The following DST variants were observed in gnomAD, a reference collection of about 807,000 sequenced individuals.
DST encodes the protein bullous pemphigoid antigen.
Under a neutral mutation model 875.2 loss-of-function variants are expected in DST, and 253 were observed. That is an observed-to-expected ratio of 0.29 (90% CI 0.26 to 0.32). The LOEUF (loss-of-function observed/expected upper bound fraction) is 0.32. Among genes scored for constraint, DST ranks in the 10% least tolerant of loss-of-function variants. The pLI, the probability that DST is intolerant of heterozygous loss-of-function variation, is 1.00. For synonymous variants in DST, 3,124 were observed against 3,197.1 expected (o/e 0.98, Z 0.77); for missense variants, 8,287 against 9,111.6 (o/e 0.91, Z 3.68).
intron 36 of DST, chr6:56,618,860 A>C (rs1469440958): frequency 1.2e-6 from 2 of 1,614,098 alleles, no homozygotes; most frequent in Non-Finnish European, 1.7e-6. Flanking sequence ...TATGGTCTTT[A>C]AGTGTAATTC....
intron 9 of DST, among the ~76,000 whole-genome samples, chr6:56,689,420 T>C (rs962982292): frequency 2.6e-5 from 4 of 152,082 alleles, no homozygotes; most frequent in African/African-American, 9.7e-5. Context: ...AAATGGCAAA[T>C]ACTAAGCTAA....
At chr6:56,497,229 A>T in intron 82 of DST, 150 bp downstream of exon 82, 1 of 706,844 alleles carries the variant, frequency 1.4e-6, no homozygotes, top group Non-Finnish European at 2.1e-6. Flanking sequence ...TTAATCAATA[A>T]ATGGTGTGTT....
At chr6:56,626,763 A>G (rs1398186392) in intron 34 of DST, among the ~76,000 whole-genome samples, 3 of 152,124 alleles carry the variant, frequency 2.0e-5, no homozygotes. Context: ...ATGTAACAAT[A>G]GTGTAGCCCT....
chr6:56,692,802 T>TA (rs1563713125), intron 9 of DST: 1 of 1,289,852 alleles, frequency 7.8e-7, no homozygotes, highest in South Asian at 1.2e-5. Context: ...ACCAACTGCT[T>TA]ACAGCACTCG....
Position 56,552,889 on chromosome 6 carries a change from C to A in DST, c.15903G>T (p.Ser5301=), listed in dbSNP as rs371189011. ...TGTTACTGTAAGCCTGGGATCCCAG[C>A]GAATCATGGATATCTAGCTGCTCCT... ...CAKEQLDIHD[S]LGSQAYSNKY... Residue 5301 remains serine (S), a synonymous_variant, in exon 61 of 104, where the codon TCG becomes TCT. Coordinates refer to ENST00000680361, the MANE Select transcript of DST (RefSeq NM_001374736.1). 2.9e-4 allele frequency: 463 copies of A among 1,613,796 alleles called. No individual in the cohort carries two copies. Among genetic ancestry groups the A allele is most frequent in the Non-Finnish European group, 3.8e-4 (446 of 1,179,866 alleles).
rs536785213 is a variant in DST, at chr6:56,612,080, GA to G, written c.5059-485del. On this transcript the variant is annotated intron_variant, in intron 37 of 103. Transcript: ENST00000680361. ...TGTAGGTATGCAGACCCAGAATAAA[GA>G]ATTTCTAGCTGAGAGCAGTGGCTCA... is the stretch of plus-strand genomic sequence containing the variant. 1.1e-4 allele frequency among the ~76,000 whole-genome samples: 16 copies of G among 152,318 alleles called. No individual in the cohort carries two copies. In the South Asian group the frequency reaches 3.1e-3, roughly 30 times the overall value.
intron 71 of DST, among the ~76,000 whole-genome samples, chr6:56,516,195 G>GA (rs1215139360): frequency 2.6e-5 from 4 of 151,594 alleles, no homozygotes; most frequent in Non-Finnish European, 5.9e-5. Flanking sequence ...AAGAGAAAGA[G>GA]AAGGAGAAAG....
In DST at chr6:56,552,165, A is replaced by G. The variant is rs1200020223; in HGVS notation, c.16608+19T>C. 3 of 1,559,314 alleles carry G rather than the reference A, an allele frequency of 1.9e-6. No homozygotes were observed. Among genetic ancestry groups the G allele is most frequent in the African/African-American group, 2.8e-5 (2 of 72,516 alleles). On this transcript the variant is annotated intron_variant, in intron 61 of 103. Coordinates refer to ENST00000680361, the MANE Select transcript of DST (RefSeq NM_001374736.1). ...TCATTGACAATAAAAACACTGGGTA[A>G]AAATGAAGAGTTCCCTACCTTGAAC... is the stretch of plus-strand genomic sequence containing the variant.
chr6:56,916,248 C>G (rs1800867703), intron 2 of DST, among the ~76,000 whole-genome samples: 1 of 152,208 alleles, frequency 6.6e-6, no homozygotes, highest in Non-Finnish European at 1.5e-5. Context: ...ACAGCAGGAC[C>G]TGGACAGCCA....
In DST at chr6:56,632,844, C is replaced by A; in HGVS notation, c.3805+10G>T. Reference sequence around the variant, plus strand: ...ATGGGGAAAAAAAGACAGGGATCCCCATGCTTTACCTCTTTCTGCAGATTT... The same window carrying A: ...ATGGGGAAAAAAAGACAGGGATCCCAATGCTTTACCTCTTTCTGCAGATTT... On this transcript the variant is annotated intron_variant, in intron 28 of 103. Transcript: ENST00000680361. 1 of 1,612,424 alleles carries A rather than the reference C, an allele frequency of 6.2e-7. No homozygotes were observed. Among genetic ancestry groups the A allele is most frequent in the Non-Finnish European group, 8.5e-7 (1 of 1,178,998 alleles).
At chr6:56,578,439 T>C (rs1193488379) in intron 50 of DST, among the ~76,000 whole-genome samples, 2 of 152,210 alleles carry the variant, frequency 1.3e-5, no homozygotes, top group African/African-American at 4.8e-5. Flanking sequence ...GTTCCCACTA[T>C]TGATAAAGAC....
At chr6:56,687,343 A>G in intron 9 of DST, among the ~76,000 whole-genome samples, 1 of 152,182 alleles carries the variant, frequency 6.6e-6, no homozygotes, top group Non-Finnish European at 1.5e-5. Context: ...GATGAGTTTC[A>G]TTATTGCAAG....
chr6:56,579,773 C>CA (rs1448284558), intron 49 of DST, among the ~76,000 whole-genome samples: 1 of 152,196 alleles, frequency 6.6e-6, no homozygotes, highest in Non-Finnish European at 1.5e-5. Flanking sequence ...GGAAAGGCTT[C>CA]AAACATCAGG....
At chr6:56,938,108 C>CTCTCTCTCTCTCTCTATATA (rs1383243392) in intron 2 of DST, among the ~76,000 whole-genome samples, 10 of 120,750 alleles carry the variant, frequency 8.3e-5, no homozygotes, top group African/African-American at 2.8e-4. Context: ...CTCTCTCTCT[C>CTCTCTCTCTCTCTCTATATA]TATATATATA....
intron 5 of DST, among the ~76,000 whole-genome samples, chr6:56,707,558 G>A (rs578089275): frequency 6.6e-6 from 1 of 152,158 alleles, no homozygotes; most frequent in Non-Finnish European, 1.5e-5. Context: ...TTCCAGGATT[G>A]TAATAGTGCT....
chr6:56,654,048 T>C (rs747234688), intron 10 of DST, among the ~76,000 whole-genome samples: 8 of 152,260 alleles, frequency 5.3e-5, no homozygotes, highest in Non-Finnish European at 1.0e-4. Flanking sequence ...GACTATATTA[T>C]AGTGACCATG....
At chr6:56,943,796 A>G (rs1424384208) in intron 2 of DST, among the ~76,000 whole-genome samples, 1 of 152,124 alleles carries the variant, frequency 6.6e-6, no homozygotes, top group East Asian at 1.9e-4. Flanking sequence ...AGGGTAAGAC[A>G]TAAGTAAGGT....
At chr6:56,889,370 A>G (rs1416076760) in intron 3 of DST, among the ~76,000 whole-genome samples, 1 of 152,172 alleles carries the variant, frequency 6.6e-6, no homozygotes, top group Non-Finnish European at 1.5e-5. Context: ...AGGATCACCC[A>G]ATCACCTGTG....
intron 37 of DST, among the ~76,000 whole-genome samples, chr6:56,612,588 G>A (rs950670473): frequency 2.6e-5 from 4 of 152,102 alleles, no homozygotes; most frequent in Non-Finnish European, 5.9e-5. Context: ...GCAGAAATAA[G>A]AGGAAATAAT....
Sources: gnomAD v4.1 joint callset for allele counts (sites outside exome capture counted in the v4.1 genomes callset) on GRCh38, gnomAD v4.1.1 for gene constraint, MANE v1.5 for transcripts, NCBI Gene and HGNC (gene_info 2026-07-23, HGNC 2026-07-21) for gene names.